The following AFG1L variants were observed in gnomAD, a reference collection of about 807,000 sequenced individuals.
The protein encoded by AFG1L is AFG1 like ATPase.
AFG1L carries 53 observed loss-of-function variants against 62.2 expected under a neutral mutation model. The observed-to-expected ratio is 0.85, with a 90% CI of 0.68 to 1.07. AFG1L has a LOEUF of 1.07. AFG1L is among the 50% of genes least tolerant of loss of function. AFG1L has a pLI of 0.00. For synonymous variants in AFG1L, 228 were observed against 210.3 expected (o/e 1.08, Z -0.73); for missense variants, 555 against 590.5 (o/e 0.94, Z 0.62).
intron 10 of AFG1L, among the ~76,000 whole-genome samples, chr6:108,482,895 T>G (rs1296781946): frequency 6.6e-6 from 1 of 151,184 alleles, no homozygotes; most frequent in Non-Finnish European, 1.5e-5. Context: ...GTTTGTCAGG[T>G]TTTTTTTTGC....
At chr6:108,458,191 A>C (rs1772323720) in intron 8 of AFG1L, among the ~76,000 whole-genome samples, 1 of 152,104 alleles carries the variant, frequency 6.6e-6, no homozygotes, top group East Asian at 1.9e-4. Flanking sequence ...ATAGTTTTCA[A>C]TTAGTTTGGA....
At chr6:108,508,396 C>G (rs1439978064) in intron 10 of AFG1L, among the ~76,000 whole-genome samples, 1 of 152,198 alleles carries the variant, frequency 6.6e-6, no homozygotes. Flanking sequence ...AGGCCAGGCA[C>G]GAGGTCTGGA....
At chr6:108,368,286 G>A (rs1482741547) in intron 6 of AFG1L, among the ~76,000 whole-genome samples, 1 of 151,352 alleles carries the variant, frequency 6.6e-6, no homozygotes, top group African/African-American at 2.4e-5. Flanking sequence ...TTATACATTT[G>A]ATAATCATAT....
At chr6:108,386,546 A>C (rs2114575117) in intron 6 of AFG1L, among the ~76,000 whole-genome samples, 1 of 152,312 alleles carries the variant, frequency 6.6e-6, no homozygotes, top group African/African-American at 2.4e-5. Context: ...ATTCCAAAAC[A>C]TGTTCTTCAG....
chr6:108,507,835 T>C (rs1412988771), intron 10 of AFG1L, among the ~76,000 whole-genome samples: 2 of 152,214 alleles, frequency 1.3e-5, no homozygotes, highest in African/African-American at 4.8e-5. Flanking sequence ...TTTCGGGGAT[T>C]GTTTTCACTA....
intron 8 of AFG1L, among the ~76,000 whole-genome samples, chr6:108,476,003 G>C (rs191703581): frequency 6.6e-6 from 1 of 152,188 alleles, no homozygotes; most frequent in East Asian, 1.9e-4. Context: ...AGGTCAACCT[G>C]TAAAAGTTTG....
At chr6:108,446,600 G>T (rs1363662003) in intron 7 of AFG1L, among the ~76,000 whole-genome samples, 1 of 151,204 alleles carries the variant, frequency 6.6e-6, no homozygotes, top group East Asian at 1.9e-4. Context: ...CACCTCCCAG[G>T]CTCAAGCAAT....
chr6:108,498,719 A>G (rs916248153), intron 10 of AFG1L, among the ~76,000 whole-genome samples: 11 of 152,224 alleles, frequency 7.2e-5, no homozygotes, highest in African/African-American at 2.7e-4. Context: ...TCATGCCTGT[A>G]GTCCCAGCAC....
rs1316927332 is a variant in AFG1L at position 108,295,236 on chromosome 6, G to A, written c.139+18G>A. The A allele has an allele frequency of 1.3e-6, 2 of 1,593,424 alleles. No individual in the cohort carries two copies. Among genetic ancestry groups the A allele is most frequent in the South Asian group, 1.1e-5 (1 of 90,410 alleles). ...TTGGAAAGGTCAGTGACTGTGCCAT[G>A]AGTAGTCCGAGCCGACTGCATATGA... On this transcript the variant is annotated intron_variant, in intron 1 of 12. Coordinates refer to ENST00000368977, the MANE Select transcript of AFG1L (RefSeq NM_145315.5).
chr6:108,450,840 C>A (rs1772023379), intron 8 of AFG1L, among the ~76,000 whole-genome samples: 1 of 151,740 alleles, frequency 6.6e-6, no homozygotes, highest in African/African-American at 2.4e-5. Context: ...TTCCCAGAAC[C>A]TTTTATTAAA....
At chr6:108,458,698 T>G (rs1462647679) in intron 8 of AFG1L, among the ~76,000 whole-genome samples, 1 of 152,164 alleles carries the variant, frequency 6.6e-6, no homozygotes, top group Non-Finnish European at 1.5e-5. Flanking sequence ...ATAATTGCAG[T>G]TTTAATGTCT....
chr6:108,407,322 C>A (rs1281321748), intron 7 of AFG1L, among the ~76,000 whole-genome samples: 3 of 151,982 alleles, frequency 2.0e-5, no homozygotes, highest in Admixed American at 1.3e-4. Context: ...TTTATGGGGG[C>A]CTCATTTGTA....
At chr6:108,433,023 TC>T (rs1267366100) in intron 7 of AFG1L, among the ~76,000 whole-genome samples, 3 of 152,220 alleles carry the variant, frequency 2.0e-5, no homozygotes, top group East Asian at 1.9e-4. Flanking sequence ...CTCAGGACTT[TC>T]GTTTTATAGA....
intron 5 of AFG1L, chr6:108,359,172 C>T (rs1468365825): frequency 6.6e-6 from 1 of 151,986 alleles, no homozygotes; most frequent in Non-Finnish European, 1.5e-5. Flanking sequence ...AGTAAAAGTT[C>T]CTAGGGCTTA....
intron 7 of AFG1L, among the ~76,000 whole-genome samples, chr6:108,406,029 C>T (rs1781837925): frequency 6.6e-6 from 1 of 152,194 alleles, no homozygotes. Context: ...ATCCGTTCAC[C>T]TGCCAATGGG....
At chr6:108,306,503 A>G (rs1401275318) in intron 1 of AFG1L, among the ~76,000 whole-genome samples, 1 of 152,152 alleles carries the variant, frequency 6.6e-6, no homozygotes, top group African/African-American at 2.4e-5. Flanking sequence ...TCATTCATTT[A>G]TTTATTCATT....
chr6:108,367,725 T>C (rs1238240475), intron 6 of AFG1L, among the ~76,000 whole-genome samples: 1 of 152,060 alleles, frequency 6.6e-6, no homozygotes, highest in Admixed American at 6.6e-5. Context: ...AGATATACAT[T>C]TGGAAGTTAT....
chr6:108,509,491 A>G (rs1472906902), intron 10 of AFG1L, among the ~76,000 whole-genome samples: 1 of 152,248 alleles, frequency 6.6e-6, no homozygotes, highest in East Asian at 1.9e-4. Flanking sequence ...GCCATTATCA[A>G]ATAGCTCCAT....
intron 1 of AFG1L, among the ~76,000 whole-genome samples, chr6:108,313,578 C>T (rs1777488326): frequency 6.6e-6 from 1 of 152,168 alleles, no homozygotes; most frequent in Admixed American, 6.5e-5. Flanking sequence ...CACTCTGTTG[C>T]CCAGGCTGTG....
Sources: allele counts gnomAD v4.1 joint callset (sites outside exome capture counted in the v4.1 genomes callset), GRCh38; gene constraint gnomAD v4.1.1; transcripts MANE v1.5; gene names NCBI Gene and HGNC (gene_info 2026-07-23, HGNC 2026-07-21).